The following NRXN1 variants were observed in gnomAD, a reference collection of about 807,000 sequenced individuals.
NRXN1 encodes neurexin-1.
Under a neutral mutation model 150.9 loss-of-function variants are expected in NRXN1, and 39 were observed. That is an observed-to-expected ratio of 0.26 (90% CI 0.20 to 0.34). The LOEUF (loss-of-function observed/expected upper bound fraction) is 0.34. NRXN1 is among the 10% of genes least tolerant of loss of function. NRXN1 has a pLI of 1.00. For missense variants in NRXN1, 1,815 were observed against 1,949.9 expected, an observed-to-expected ratio of 0.93 and a Z score of 1.30; for synonymous variants, 924 against 757.0, an observed-to-expected ratio of 1.22 and a Z score of -3.62.
chr2:51,027,320 G>GGGA (rs1430205195), intron 2 of NRXN1, among the ~76,000 whole-genome samples, 182 bp downstream of exon 2: 2 of 152,174 alleles, frequency 1.3e-5, no homozygotes, highest in Non-Finnish European at 2.9e-5. Context: ...TCCTTAGGAG[G>GGGA]ATGTCAAGGG....
intron 5 of NRXN1, among the ~76,000 whole-genome samples, chr2:50,826,637 A>G (rs1015921263): frequency 1.3e-4 from 20 of 152,194 alleles, no homozygotes; most frequent in African/African-American, 4.8e-4. Flanking sequence ...GTGAGGGATC[A>G]GATGACTCCT....
chr2:50,922,529 A>C, intron 4 of NRXN1, 129 bp downstream of exon 4: 1 of 894,504 alleles, frequency 1.1e-6, no homozygotes, highest in Non-Finnish European at 1.8e-6. Context: ...AATGTGAACA[A>C]AAGATATGTA....
intron 16 of NRXN1, chr2:50,466,571 T>C: frequency 4.4e-6 from 2 of 450,280 alleles, no homozygotes; most frequent in Non-Finnish European, 8.9e-6. Flanking sequence ...AGAAGAATGT[T>C]CAGATTCAAA....
In NRXN1 at chr2:50,347,281, G is replaced by A. The variant is rs1286920747; in HGVS notation, c.3365-110311C>T. 7.7e-7 allele frequency: 1 copy of A among 1,297,360 alleles called. No homozygotes were observed. 80.4% of individuals were successfully genotyped at this position (1,297,360 alleles called of 1,614,324 possible). A position where few individuals can be genotyped will look rare whatever the true frequency, so the allele number is the denominator to read the frequency against. On this transcript the variant is annotated intron_variant, in intron 17 of 22. Transcript: ENST00000401669. This position sits in a 1 kb window ranked among gnomAD's most constrained non-coding sequence, Gnocchi z 4.9. ...CAGGTTCTCGAGAGATACTCCCAAA[G>A]AGTTTCGGGCGAGAGTGCGTGCCGG... is the stretch of plus-strand genomic sequence containing the variant.
intron 18 of NRXN1, among the ~76,000 whole-genome samples, chr2:50,227,169 A>C (rs1239864385): frequency 6.6e-6 from 1 of 151,650 alleles, no homozygotes; most frequent in East Asian, 1.9e-4. Context: ...CGGGAAAAAA[A>C]AAAAAAAGGA....
rs915588409 is a variant in NRXN1 at position 49,977,749 on chromosome 2, G to A, written c.4129-33958C>T. On this transcript the variant is annotated intron_variant, in intron 21 of 22. Transcript: ENST00000401669. Reference sequence around the variant, plus strand: ...GTCAATTTGTTCAAATGCTGTGATAGGTCAAGTTATCTGTTCTTCATAGGT... The same window carrying A: ...GTCAATTTGTTCAAATGCTGTGATAAGTCAAGTTATCTGTTCTTCATAGGT... 2.0e-5 allele frequency among the ~76,000 whole-genome samples: 3 copies of A among 152,130 alleles called. No homozygotes were observed. The South Asian group carries it at 6.2e-4, about 32-fold the overall frequency.
chr2:50,171,858 T>C (rs1022358741), intron 18 of NRXN1, among the ~76,000 whole-genome samples: 1 of 152,142 alleles, frequency 6.6e-6, no homozygotes, highest in African/African-American at 2.4e-5. Context: ...TAGATTTATT[T>C]CCCTGGTCAC....
chr2:50,384,015 A>G (rs938152405), intron 17 of NRXN1, among the ~76,000 whole-genome samples: 2 of 152,202 alleles, frequency 1.3e-5, no homozygotes, highest in African/African-American at 4.8e-5. Flanking sequence ...GAAGAAAGTA[A>G]AGGAAAGGAG....
chr2:50,822,039 G>A (rs1316952172), intron 5 of NRXN1, among the ~76,000 whole-genome samples: 6 of 152,016 alleles, frequency 3.9e-5, no homozygotes, highest in African/African-American at 1.2e-4. Context: ...TTTGAATCAC[G>A]TTTGAGTAAA....
At chr2:50,748,104 G>A (rs964664173) in intron 5 of NRXN1, among the ~76,000 whole-genome samples, 1 of 152,168 alleles carries the variant, frequency 6.6e-6, no homozygotes, top group Non-Finnish European at 1.5e-5. Context: ...CCCACGTATA[G>A]ACGAAGAAAC....
intron 9 of NRXN1, among the ~76,000 whole-genome samples, chr2:50,540,118 A>T (rs186612431): frequency 2.2e-4 from 34 of 152,322 alleles, no homozygotes; most frequent in African/African-American, 7.9e-4. Context: ...CCGAGTCATT[A>T]AGAGGATATT....
chr2:50,617,291 T>G (rs1679216600), intron 8 of NRXN1, among the ~76,000 whole-genome samples: 1 of 151,928 alleles, frequency 6.6e-6, no homozygotes, highest in Non-Finnish European at 1.5e-5. Context: ...AAAAATTAGC[T>G]GGGTGTGGTG....
At chr2:51,030,281 GCA>G (rs780431395) in intron 1 of NRXN1, among the ~76,000 whole-genome samples, 2 of 151,446 alleles carry the variant, frequency 1.3e-5, no homozygotes, top group Middle Eastern at 3.4e-3. Flanking sequence ...ATACACACAT[GCA>G]CACACACACC....
At chr2:50,585,437 G>A (rs976555657) in intron 8 of NRXN1, among the ~76,000 whole-genome samples, 4 of 152,000 alleles carry the variant, frequency 2.6e-5, no homozygotes, top group African/African-American at 9.7e-5. Context: ...AAAAGTTTTG[G>A]ATATCTGTTG....
chr2:50,181,292 T>C (rs2060696633), intron 18 of NRXN1, among the ~76,000 whole-genome samples: 1 of 147,278 alleles, frequency 6.8e-6, no homozygotes, highest in Non-Finnish European at 1.5e-5. Flanking sequence ...TATTGAGACA[T>C]GGGCTTTAGG....
intron 17 of NRXN1, among the ~76,000 whole-genome samples, chr2:50,387,552 T>G (rs1430799884): frequency 6.6e-6 from 1 of 152,176 alleles, no homozygotes; most frequent in Non-Finnish European, 1.5e-5. Flanking sequence ...TTTACATTTT[T>G]TATTTACTCA....
chr2:50,855,558 C>T (rs886707926), intron 5 of NRXN1, among the ~76,000 whole-genome samples: 2 of 151,956 alleles, frequency 1.3e-5, no homozygotes, highest in African/African-American at 2.4e-5. Context: ...AAGAATGTGC[C>T]AGAGGTTGAG....
At chr2:50,802,571 A>G (rs1230430487) in intron 5 of NRXN1, among the ~76,000 whole-genome samples, 4 of 149,304 alleles carry the variant, frequency 2.7e-5, no homozygotes, top group Non-Finnish European at 6.0e-5. Flanking sequence ...GGAAGGAAGG[A>G]GAGAGACAGA....
chr2:51,024,934 T>A (rs143249410), intron 2 of NRXN1, among the ~76,000 whole-genome samples: 1 of 152,206 alleles, frequency 6.6e-6, no homozygotes, highest in South Asian at 2.1e-4. Context: ...CAGAGCTTTG[T>A]TGATATTTCA....
Sources: gnomAD v4.1 joint callset for allele counts (sites outside exome capture counted in the v4.1 genomes callset) on GRCh38, gnomAD v4.1.1 for gene constraint, Gnocchi (gnomAD v3.1) non-coding constraint, MANE v1.5 for transcripts, NCBI Gene and HGNC (gene_info 2026-07-23, HGNC 2026-07-21) for gene names.